BTBD1: variants seen among roughly 807,000 people sequenced by gnomAD.
BTBD1 encodes BTB domain containing 1, also known as BTB/POZ domain-containing protein 1.
BTBD1 carries 34 observed loss-of-function variants against 48.0 expected under a neutral mutation model. The observed-to-expected ratio is 0.71, with a 90% CI of 0.54 to 0.94. BTBD1 has a LOEUF of 0.94. BTBD1 is among the 40% of genes least tolerant of loss of function. BTBD1 has a pLI of 0.00. For missense variants in BTBD1, 543 were observed against 625.6 expected (o/e 0.87, Z 1.41); for synonymous variants, 261 against 242.1 (o/e 1.08, Z -0.72).
intron 2 of BTBD1, among the ~76,000 whole-genome samples, chr15:83,054,883 T>C (rs771429034): frequency 7.2e-5 from 11 of 152,114 alleles, no homozygotes; most frequent in Non-Finnish European, 1.6e-4. Context: ...TTCTAAATGA[T>C]AGAATGAACA....
intron 7 of BTBD1, 58 bp from the exon 8 acceptor site, chr15:83,018,283 G>C (rs2032211843): frequency 8.9e-6 from 12 of 1,346,518 alleles, no homozygotes; most frequent in Non-Finnish European, 1.1e-5. Context: ...TCAGTTTAAT[G>C]TGGTGTTTTA....
chr15:83,034,104 A>AG (rs927007396), intron 4 of BTBD1, among the ~76,000 whole-genome samples: 1 of 150,246 alleles, frequency 6.7e-6, no homozygotes, highest in African/African-American at 2.4e-5. Flanking sequence ...AAAAAAAAAA[A>AG]AAAGAAAAAG....
intron 4 of BTBD1, among the ~76,000 whole-genome samples, chr15:83,034,458 AC>A (rs2151304167): frequency 6.6e-6 from 1 of 152,260 alleles, no homozygotes; most frequent in South Asian, 2.1e-4. Context: ...TACTAAAAAT[AC>A]AAAATTTAGC....
At chr15:83,064,715 T>G (rs1253341798) in intron 1 of BTBD1, among the ~76,000 whole-genome samples, 1 of 152,098 alleles carries the variant, frequency 6.6e-6, no homozygotes, top group Non-Finnish European at 1.5e-5. Flanking sequence ...ATCTACACAT[T>G]TCATAAGCAC....
At position 83,042,210 on chromosome 15, in the gene BTBD1, C is replaced by G. The variant is rs897295972; in HGVS notation, c.665-285G>C. 1.3e-5 allele frequency among the ~76,000 whole-genome samples: 2 copies of G among 151,586 alleles called. 1 individual carries two copies. Among genetic ancestry groups the G allele is most frequent in the South Asian group, 4.1e-4 (2 of 4,828 alleles). The stretch of plus-strand genomic sequence containing the variant: ...TATGCCATTTATCAAGTAAACTCAA[C>G]TATCCAGAATAAGATTAACAAGCCA... On this transcript the variant is annotated intron_variant, in intron 3 of 7. Transcript: ENST00000261721.
At chr15:83,055,746 G>C (rs1228991925) in intron 2 of BTBD1, among the ~76,000 whole-genome samples, 1 of 152,112 alleles carries the variant, frequency 6.6e-6, no homozygotes, top group Non-Finnish European at 1.5e-5. Context: ...CTTTATTCCA[G>C]ATCCAGCAAA....
intron 1 of BTBD1, chr15:83,061,567 T>A (rs1325088384): frequency 1.4e-5 from 2 of 145,920 alleles, no homozygotes; most frequent in African/African-American, 5.1e-5. Flanking sequence ...ATTGCACCAG[T>A]CTGAGACCTA....
intron 5 of BTBD1, among the ~76,000 whole-genome samples, chr15:83,027,573 C>T (rs904384737): frequency 9.9e-5 from 15 of 152,148 alleles, no homozygotes; most frequent in African/African-American, 3.4e-4. Flanking sequence ...AGAGCTGAAC[C>T]AGGAAAGTAG....
intron 1 of BTBD1, among the ~76,000 whole-genome samples, chr15:83,064,784 G>A (rs75585102): frequency 0.023 from 3,428 of 152,122 alleles, 58 homozygotes; most frequent in Middle Eastern, 0.041. Context: ...TTCTAGTCTA[G>A]AAAATCCAAA....
intron 5 of BTBD1, among the ~76,000 whole-genome samples, chr15:83,021,768 A>ATAATAATAATAATAATAATAATAAT (rs1555438327): frequency 1.2e-4 from 18 of 151,048 alleles, no homozygotes; most frequent in African/African-American, 4.1e-4. Context: ...AATAATAATA[A>ATAATAATAATAATAATAATAATAAT]TACATATGGA....
At position 83,067,109 on chromosome 15, in the gene BTBD1, C is replaced by T; in HGVS notation, c.43G>A (p.Gly15Arg). 2 of 1,471,238 alleles carry T rather than the reference C, an allele frequency of 1.4e-6. No individual in the cohort carries two copies. Among genetic ancestry groups the T allele is most frequent in the Non-Finnish European group, 1.8e-6 (2 of 1,118,966 alleles). 91.1% of individuals were successfully genotyped at this position (1,471,238 alleles called of 1,614,324 possible). The change falls in exon 1 of 8, where the codon GGG (glycine) becomes AGG (arginine). Residue 15 changes from glycine to arginine, a missense_variant. Transcript: ENST00000261721. ...GPAAAGEQAS[G>R]AEAEPGPAGP... ...GCGGGGCCCGGCTCCGCCTCAGCCC[C>T]CGACGCCTGCTCCCCAGCTGCGGCA... is the stretch of plus-strand genomic sequence containing the variant.
chr15:83,047,444 G>A (rs1395404578), intron 3 of BTBD1, among the ~76,000 whole-genome samples: 1 of 152,194 alleles, frequency 6.6e-6, no homozygotes, highest in Non-Finnish European at 1.5e-5. Context: ...AGGAGACAAA[G>A]TCAGATGTAG....
chr15:83,040,119 T>C lies in BTBD1; in HGVS notation c.862+1609A>G, dbSNP rs184534867. Among the ~76,000 whole-genome samples, 46 of 152,082 alleles carry C rather than the reference T, an allele frequency of 3.0e-4. No individual in the cohort carries two copies. The East Asian group carries it at 8.1e-3, about 27-fold the overall frequency. On this transcript the variant is annotated intron_variant, in intron 4 of 7. Transcript: ENST00000261721. The stretch of plus-strand genomic sequence containing the variant: ...GCTAGAAGCCATTATCTTAAGTGAG[T>C]TAATGCAGAAACAGTAAACCAAATA...
At chr15:83,030,557 G>T (rs1249708063) in intron 4 of BTBD1, 4 of 444,550 alleles carry the variant, frequency 9.0e-6, no homozygotes, top group African/African-American at 6.0e-5. Context: ...TTAGATCCAG[G>T]AATAAATGCT....
Position 83,018,054 on chromosome 15 carries a change from T to A in BTBD1, c.*13A>T. 1 of 1,574,690 alleles carries A rather than the reference T, an allele frequency of 6.4e-7. No homozygotes were observed. ...TATGGTATTATTTAGCCAAGATGTA[T>A]TATAATGCTAAATTATGTATAAAAT... On this transcript the variant is annotated 3_prime_UTR_variant, in exon 8 of 8. Coordinates refer to ENST00000261721, the MANE Select transcript of BTBD1 (RefSeq NM_025238.4).
chr15:83,067,174 C>T lies in BTBD1; in HGVS notation c.-23G>A. On this transcript the variant is annotated 5_prime_UTR_variant, in exon 1 of 8. It adds an upstream start codon to the 5' untranslated region. Transcript: ENST00000261721. ...CATCCTCCAGCTGCGCGGTTGCCCA[C>T]GTTATGGACAAAACTCCGCCGCCAT... 7.1e-7 allele frequency: 1 copy of T among 1,398,998 alleles called. No homozygotes were observed. Among genetic ancestry groups the T allele is most frequent in the Non-Finnish European group, 9.3e-7 (1 of 1,080,624 alleles). 86.7% of individuals were successfully genotyped at this position (1,398,998 alleles called of 1,614,324 possible). A position where few individuals can be genotyped will look rare whatever the true frequency, so the allele number is the denominator to read the frequency against.
intron 3 of BTBD1, among the ~76,000 whole-genome samples, chr15:83,043,311 G>A (rs994082530): frequency 3.3e-5 from 5 of 152,170 alleles, no homozygotes; most frequent in Non-Finnish European, 5.9e-5. Context: ...CTGAGGAATG[G>A]TAAGGAGGCC....
chr15:83,066,683 C>G, intron 1 of BTBD1, 68 bp downstream of exon 1: 1 of 1,269,998 alleles, frequency 7.9e-7, no homozygotes, highest in Non-Finnish European at 9.9e-7. Context: ...TAGGCCGGGC[C>G]CCGGGGATCT....
chr15:83,065,833 C>T lies in BTBD1; in HGVS notation c.401+918G>A, dbSNP rs189424900. On this transcript the variant is annotated intron_variant, in intron 1 of 7. Coordinates refer to ENST00000261721, the MANE Select transcript of BTBD1 (RefSeq NM_025238.4). ...TTTCATTAGATGTCAATCTACTATC[C>T]TCAAATAACCAACAAGCAAATTCTA... Among the ~76,000 whole-genome samples, 6 of 152,262 alleles carry T rather than the reference C, an allele frequency of 3.9e-5. No individual in the cohort carries two copies. The East Asian group carries it at 9.6e-4, about 24-fold the overall frequency.
Sources: gnomAD v4.1 joint callset for allele counts (sites outside exome capture counted in the v4.1 genomes callset) on GRCh38, gnomAD v4.1.1 for gene constraint, MANE v1.5 for transcripts, NCBI Gene and HGNC (gene_info 2026-07-23, HGNC 2026-07-21) for gene names.